Variants in KLRG1 observed in about 807,000 individuals in gnomAD.
KLRG1 encodes killer cell lectin-like receptor subfamily G member 1.
KLRG1 carries 16 observed loss-of-function variants against 21.8 expected under a neutral mutation model. The observed-to-expected ratio is 0.73, with a 90% CI of 0.50 to 1.11. KLRG1 has a LOEUF of 1.11. Among genes scored for constraint, KLRG1 ranks in the 50% most tolerant of loss-of-function variants. The probability of loss-of-function intolerance (pLI) is 0.00; values close to 1 mark genes in which losing one functional copy is unlikely to be tolerated. For synonymous variants in KLRG1, 69 were observed against 75.9 expected, an observed-to-expected ratio of 0.91 and a Z score of 0.47; for missense variants, 173 against 218.3, an observed-to-expected ratio of 0.79 and a Z score of 1.31.
chr12:9,097,189 T>A, the KLRG1 span, among the ~76,000 whole-genome samples: 1 of 152,206 alleles, frequency 6.6e-6, no homozygotes, highest in Non-Finnish European at 1.5e-5. Flanking sequence ...CCTCTTGAGA[T>A]CCTACTGTTG....
At position 8,951,935 on chromosome 12, in the gene KLRG1, G is replaced by C. The variant is rs191470612; in HGVS notation, c.-156+1699G>C. ...GGAAGCAGGGGTAGTTTCCCTTTCC[G>C]ACCAGAGGCAAACAACCTGGGTCAC... On this transcript the variant is annotated intron_variant, in intron 1 of 4. Transcript: ENST00000539240. Among the ~76,000 whole-genome samples, 963 of 152,224 alleles carry C rather than the reference G, an allele frequency of 6.3e-3. 7 individuals carry two copies. Among genetic ancestry groups the C allele is most frequent in the Non-Finnish European group, 9.2e-3 (625 of 68,010 alleles).
chr12:8,956,915 A>G lies in KLRG1; in HGVS notation c.-156+6679A>G, dbSNP rs192507370. ...GTGATGCCCTGCTGTAGCAGCTAGCATACCTGGCTTGCCCTTGGTGGGTGT... is the reference window on the plus strand; with the variant it reads ...GTGATGCCCTGCTGTAGCAGCTAGCGTACCTGGCTTGCCCTTGGTGGGTGT... On this transcript the variant is annotated intron_variant, in intron 1 of 4. Coordinates refer to the KLRG1 transcript ENST00000539240. 3.8e-3 allele frequency among the ~76,000 whole-genome samples: 580 copies of G among 152,248 alleles called. 17 individuals are homozygous for G. The highest frequency in any genetic ancestry group is 0.03 in the Admixed American group (463 of 15,300).
At chr12:8,974,711 TA>T (rs1250038731) in intron 1 of KLRG1, among the ~76,000 whole-genome samples, 9 of 152,218 alleles carry the variant, frequency 5.9e-5, no homozygotes, top group African/African-American at 1.9e-4. Flanking sequence ...AATCCAGGGA[TA>T]AATTCCACTT....
intron 1 of KLRG1, among the ~76,000 whole-genome samples, chr12:8,981,965 C>G (rs766907128): frequency 5.1e-4 from 77 of 152,228 alleles, no homozygotes; most frequent in Admixed American, 2.0e-3. Context: ...CAATCAGTAA[C>G]TCATGTAATT....
chr12:9,088,122 T>C, the KLRG1 span, among the ~76,000 whole-genome samples: 1 of 152,262 alleles, frequency 6.6e-6, no homozygotes, highest in African/African-American at 2.4e-5. Flanking sequence ...GAATGAAACT[T>C]ATACAGTTTA....
chr12:9,014,582 C>G (rs760844497), downstream of KLRG1, among the ~76,000 whole-genome samples: 144 of 152,136 alleles, frequency 9.5e-4, no homozygotes, highest in African/African-American at 3.4e-3. Flanking sequence ...TTAGTCAACA[C>G]TAGATCTGTT....
At chr12:9,013,762 C>G (rs1434532660), downstream of KLRG1, among the ~76,000 whole-genome samples, 1 of 152,120 alleles carries the variant, frequency 6.6e-6, no homozygotes, top group Admixed American at 6.6e-5. Context: ...CACCAGGTAC[C>G]TCCCACCAGG....
chr12:9,068,190 G>A, the KLRG1 span: 1 of 1,611,952 alleles, frequency 6.2e-7, no homozygotes, highest in Non-Finnish European at 8.5e-7. Context: ...TACCTTTGCT[G>A]CAAGGAGCAT....
chr12:9,068,937 T>C, the KLRG1 span: 1 of 827,244 alleles, frequency 1.2e-6, no homozygotes, highest in East Asian at 2.7e-5. Flanking sequence ...GGGAAAAGCT[T>C]TATTATCCTA....
At chr12:9,134,320 A>G in the KLRG1 span, among the ~76,000 whole-genome samples, 9 of 152,182 alleles carry the variant, frequency 5.9e-5, no homozygotes, top group African/African-American at 1.2e-4. Flanking sequence ...GAGAAAATCA[A>G]ACTAATGCCT....
At chr12:9,110,152 G>A in the KLRG1 span, 1 of 1,198,494 alleles carries the variant, frequency 8.3e-7, no homozygotes, top group Non-Finnish European at 1.2e-6. Context: ...AGTAGTAAAG[G>A]GTGAGTAGAG....
the KLRG1 span, among the ~76,000 whole-genome samples, chr12:9,103,921 A>G: frequency 2.0e-5 from 3 of 152,192 alleles, no homozygotes; most frequent in South Asian, 6.2e-4. Context: ...TCTTTTGAAT[A>G]TATGTCCAGA....
At chr12:8,997,273 CT>C (rs769357725) in intron 3 of KLRG1, among the ~76,000 whole-genome samples, 7 of 152,198 alleles carry the variant, frequency 4.6e-5, no homozygotes, top group Non-Finnish European at 8.8e-5. Context: ...ATAAGTTTTA[CT>C]TTTAACATTC....
chr12:9,101,745 G>A, the KLRG1 span: 19 of 1,261,768 alleles, frequency 1.5e-5, no homozygotes, highest in Admixed American at 1.7e-4. Context: ...ACAAAACTAC[G>A]TAAGTTTACT....
At chr12:9,210,362 A>G in the KLRG1 span, among the ~76,000 whole-genome samples, 2 of 152,304 alleles carry the variant, frequency 1.3e-5, no homozygotes, top group East Asian at 1.9e-4. Context: ...TCTCAACACA[A>G]TATGTAAAGG....
the KLRG1 span, chr12:9,152,970 A>C: frequency 6.2e-7 from 1 of 1,614,036 alleles, no homozygotes; most frequent in Admixed American, 1.7e-5. Flanking sequence ...CAGCAAAGAC[A>C]CTATCAGTTT....
At chr12:9,157,827 A>G in the KLRG1 span, 5 of 1,613,838 alleles carry the variant, frequency 3.1e-6, no homozygotes, top group Admixed American at 5.0e-5. Flanking sequence ...GGGTCGCTTC[A>G]TCTTCTACAC....
the KLRG1 span, chr12:9,072,685 T>G: frequency 6.2e-7 from 1 of 1,614,186 alleles, no homozygotes; most frequent in African/African-American, 1.3e-5. Flanking sequence ...CCTGTCACTT[T>G]CATGCTGTAT....
At chr12:9,038,987 C>CAAATGAG in the KLRG1 span, among the ~76,000 whole-genome samples, 2 of 151,944 alleles carry the variant, frequency 1.3e-5, no homozygotes, top group Non-Finnish European at 2.9e-5. Context: ...CTTTCTCAGT[C>CAAATGAG]AAATGAGACT....
Sources: gnomAD v4.1 joint callset for allele counts (sites outside exome capture counted in the v4.1 genomes callset) on GRCh38, gnomAD v4.1.1 for gene constraint, MANE v1.5 for transcripts, NCBI Gene and HGNC (gene_info 2026-07-23, HGNC 2026-07-21) for gene names.